ATG10: variants seen among roughly 807,000 people sequenced by gnomAD.
ATG10 encodes the protein autophagy related 10, also known as ubiquitin-like-conjugating enzyme ATG10.
Under a neutral mutation model 32.1 loss-of-function variants are expected in ATG10, and 30 were observed. That is an observed-to-expected ratio of 0.94 (90% confidence interval 0.70 to 1.27). The LOEUF is 1.27. Among genes scored for constraint, ATG10 ranks in the 50% most tolerant of loss-of-function variants. The pLI is 0.00. For missense variants in ATG10, 233 were observed against 262.3 expected, an observed-to-expected ratio of 0.89 and a Z score of 0.77; for synonymous variants, 87 against 91.5, an observed-to-expected ratio of 0.95 and a Z score of 0.28.
chr5:82,011,967 A>G (rs1030815207), intron 2 of ATG10, among the ~76,000 whole-genome samples: 14 of 152,150 alleles, frequency 9.2e-5, no homozygotes, highest in Admixed American at 6.5e-4. Context: ...GCTTGTGCCA[A>G]CTGGGATGAC....
intron 2 of ATG10, among the ~76,000 whole-genome samples, chr5:82,009,104 G>C (rs1188194615): frequency 6.6e-6 from 1 of 152,082 alleles, no homozygotes; most frequent in Non-Finnish European, 1.5e-5. Context: ...CCACAGTATG[G>C]GTAGTCTTAC....
chr5:82,083,604 T>A (rs2149784947), intron 3 of ATG10, among the ~76,000 whole-genome samples: 1 of 152,268 alleles, frequency 6.6e-6, no homozygotes, highest in African/African-American at 2.4e-5. Flanking sequence ...TGACCCCTCA[T>A]ACAACTGGGT....
At chr5:82,039,923 T>A (rs1201059937) in intron 2 of ATG10, among the ~76,000 whole-genome samples, 3 of 152,190 alleles carry the variant, frequency 2.0e-5, no homozygotes, top group Admixed American at 1.3e-4. Flanking sequence ...CTGGGCTGGT[T>A]TGGAGGGCCT....
At chr5:82,246,760 CTT>C (rs1355829548) in intron 5 of ATG10, among the ~76,000 whole-genome samples, 3 of 152,036 alleles carry the variant, frequency 2.0e-5, no homozygotes, top group African/African-American at 7.2e-5. Context: ...ATTTATGACA[CTT>C]TTCATTTTTC....
chr5:82,232,039 G>A (rs1746385969), intron 5 of ATG10, among the ~76,000 whole-genome samples: 1 of 152,122 alleles, frequency 6.6e-6, no homozygotes, highest in African/African-American at 2.4e-5. Flanking sequence ...CTTCCTGTGC[G>A]ATAGTTGCCA....
chr5:82,233,987 A>G (rs1463892814), intron 5 of ATG10, among the ~76,000 whole-genome samples: 1 of 152,166 alleles, frequency 6.6e-6, no homozygotes, highest in African/African-American at 2.4e-5. Flanking sequence ...ATTTGTGGAG[A>G]AGTCACAAGA....
At chr5:82,099,339 TATG>T (rs1233225809) in intron 3 of ATG10, among the ~76,000 whole-genome samples, 5 of 151,406 alleles carry the variant, frequency 3.3e-5, no homozygotes, top group Admixed American at 3.3e-4. Context: ...TAATTTTAGT[TATG>T]ATGTAACTTA....
chr5:82,050,302 G>A (rs887193913), intron 2 of ATG10, among the ~76,000 whole-genome samples: 3 of 151,958 alleles, frequency 2.0e-5, no homozygotes, highest in African/African-American at 7.3e-5. Context: ...GTAACTTTAA[G>A]TAATATATTT....
intron 3 of ATG10, among the ~76,000 whole-genome samples, chr5:82,138,752 C>T (rs1019075292): frequency 2.0e-5 from 3 of 151,190 alleles, no homozygotes; most frequent in African/African-American, 7.3e-5. Flanking sequence ...AAAGTAGTAT[C>T]AATAACATTA....
At chr5:82,062,764 C>T (rs1763824945) in intron 3 of ATG10, among the ~76,000 whole-genome samples, 1 of 152,042 alleles carries the variant, frequency 6.6e-6, no homozygotes, top group Non-Finnish European at 1.5e-5. Context: ...CAGCCACCAC[C>T]ACCAGTTATC....
At chr5:82,026,912 A>C (rs1458186843) in intron 2 of ATG10, among the ~76,000 whole-genome samples, 2 of 151,890 alleles carry the variant, frequency 1.3e-5, no homozygotes, top group African/African-American at 4.8e-5. Context: ...TACAAAAATT[A>C]GCCGAGCATG....
chr5:82,214,427 A>C (rs1745599485), intron 5 of ATG10, among the ~76,000 whole-genome samples: 1 of 152,228 alleles, frequency 6.6e-6, no homozygotes, highest in Non-Finnish European at 1.5e-5. Flanking sequence ...GCAAACGAAG[A>C]CTACTAATTT....
intron 3 of ATG10, 78 bp from the exon 4 acceptor site, chr5:82,164,318 GAAA>G: frequency 7.4e-7 from 1 of 1,348,504 alleles, no homozygotes; most frequent in Non-Finnish European, 1.0e-6. Flanking sequence ...TTTGTGAGAA[GAAA>G]ATCTCCTCTT....
chr5:82,055,822 T>C (rs1210176440), intron 2 of ATG10, among the ~76,000 whole-genome samples: 1 of 152,210 alleles, frequency 6.6e-6, no homozygotes, highest in Non-Finnish European at 1.5e-5. Flanking sequence ...TAATACTGTA[T>C]TTTTGCTGTA....
chr5:82,191,473 C>T (rs1202585744), intron 5 of ATG10, among the ~76,000 whole-genome samples: 1 of 152,182 alleles, frequency 6.6e-6, no homozygotes, highest in East Asian at 1.9e-4. Context: ...GGAAATACTA[C>T]TTCACACATA....
intron 3 of ATG10, among the ~76,000 whole-genome samples, chr5:82,138,429 T>C (rs558775244): frequency 6.6e-6 from 1 of 152,048 alleles, no homozygotes; most frequent in Non-Finnish European, 1.5e-5. Context: ...TGGGCCAGAG[T>C]GCACCCTTCT....
At chr5:82,023,063 C>A (rs142426699) in intron 2 of ATG10, among the ~76,000 whole-genome samples, 6 of 151,262 alleles carry the variant, frequency 4.0e-5, no homozygotes, top group Admixed American at 4.0e-4. Flanking sequence ...ATGCTCCCCC[C>A]CTGCCCCAGC....
chr5:82,161,566 C>A (rs1190143069), intron 3 of ATG10, among the ~76,000 whole-genome samples: 1 of 152,020 alleles, frequency 6.6e-6, no homozygotes, highest in Non-Finnish European at 1.5e-5. Context: ...AGCACTGGGT[C>A]TCAGGCAGTC....
chr5:82,224,173 G>A lies in ATG10; in HGVS notation c.454-28389G>A, dbSNP rs551054988. Among the ~76,000 whole-genome samples, 6 of 152,232 alleles carry A rather than the reference G, an allele frequency of 3.9e-5. No individual in the cohort carries two copies. The South Asian group carries it at 1.0e-3, about 26-fold the overall frequency. ...CGGGGCATGGTAGGTGCTTAATGAA[G>A]CCCCCACTCTTTTCTGTGATTAGGG... is the stretch of plus-strand genomic sequence containing the variant. On this transcript the variant is annotated intron_variant, in intron 5 of 7. Coordinates refer to ENST00000282185, the MANE Select transcript of ATG10 (RefSeq NM_031482.5).
Sources: allele counts gnomAD v4.1 joint callset (sites outside exome capture counted in the v4.1 genomes callset), GRCh38; gene constraint gnomAD v4.1.1; transcripts MANE v1.5; gene names NCBI Gene and HGNC (gene_info 2026-07-23, HGNC 2026-07-21).